Variants in TBC1D22A observed in about 807,000 individuals in gnomAD.
TBC1D22A encodes TBC1 domain family member 22A, also known as putative GTPase activator.
In TBC1D22A, 38 loss-of-function variants were observed where a neutral mutation model predicts 60.2. The observed-to-expected ratio is 0.63, with a 90% CI of 0.49 to 0.83. TBC1D22A has a LOEUF of 0.83. Among genes scored for constraint, TBC1D22A ranks in the 40% least tolerant of loss-of-function variants. The pLI, the probability that TBC1D22A is intolerant of heterozygous loss-of-function variation, is 0.00. For missense variants in TBC1D22A, 628 were observed against 701.0 expected (o/e 0.90, Z 1.18); for synonymous variants, 302 against 281.7 (o/e 1.07, Z -0.72).
At chr22:46,778,489 A>G (rs2083796479) in intron 1 of TBC1D22A, among the ~76,000 whole-genome samples, 1 of 152,074 alleles carries the variant, frequency 6.6e-6, no homozygotes, top group Non-Finnish European at 1.5e-5. Flanking sequence ...GTTAAAAACT[A>G]AGACACAGAC....
rs1161896661 is a variant in TBC1D22A, at chr22:47,174,683, C to T, written c.*1057C>T. On this transcript the variant is annotated 3_prime_UTR_variant, in exon 13 of 13. Coordinates refer to ENST00000337137, the MANE Select transcript of TBC1D22A (RefSeq NM_014346.5). ...TGGACCGGTTCCGCCATGGACCACT[C>T]CTGCCCTGGACCACTCCTGCCCTGG... The T allele has an allele frequency of 1.0e-5, 1 of 96,400 alleles. No homozygotes were observed. Among genetic ancestry groups the T allele is most frequent in the Non-Finnish European group, 2.5e-5 (1 of 40,352 alleles). The allele number at this position is 96,400 out of a possible 1,614,324, so 6.0% of individuals were successfully genotyped here. A position where few individuals can be genotyped will look rare whatever the true frequency, so the allele number is the denominator to read the frequency against.
At chr22:47,114,980 T>C (rs962612967) in intron 12 of TBC1D22A, among the ~76,000 whole-genome samples, 1 of 144,258 alleles carries the variant, frequency 6.9e-6, no homozygotes, top group African/African-American at 2.6e-5. Flanking sequence ...CCTTGCCATC[T>C]GTGAGCCACC....
intron 8 of TBC1D22A, among the ~76,000 whole-genome samples, chr22:46,928,022 G>T (rs2071146118): frequency 6.6e-6 from 1 of 152,082 alleles, no homozygotes; most frequent in Non-Finnish European, 1.5e-5. Flanking sequence ...AAGATTCAGT[G>T]CAGTCCCTAT....
intron 12 of TBC1D22A, among the ~76,000 whole-genome samples, chr22:47,122,297 G>A (rs1167387471): frequency 6.6e-6 from 1 of 152,188 alleles, no homozygotes; most frequent in African/African-American, 2.4e-5. Context: ...CCATGACGAG[G>A]TTTCCCGAAC....
intron 12 of TBC1D22A, among the ~76,000 whole-genome samples, chr22:47,163,632 G>A (rs2068082392): frequency 6.6e-6 from 1 of 152,224 alleles, no homozygotes; most frequent in East Asian, 1.9e-4. Flanking sequence ...TAGGAGGGAA[G>A]GGCGGTGGAG....
chr22:46,923,102 C>T (rs7290083), intron 8 of TBC1D22A, among the ~76,000 whole-genome samples: 117,912 of 152,112 alleles, frequency 0.78, 45,828 homozygotes, highest in Middle Eastern at 0.85. Flanking sequence ...GTTCCTTCAG[C>T]GTTACAGAGT....
intron 10 of TBC1D22A, among the ~76,000 whole-genome samples, chr22:47,023,461 T>C (rs143684175): frequency 0.014 from 2,186 of 152,232 alleles, 34 homozygotes; most frequent in Middle Eastern, 0.034. Context: ...AAAAAAATCA[T>C]ATGGAACCTA....
chr22:46,807,975 A>G (rs1461368107), intron 4 of TBC1D22A, among the ~76,000 whole-genome samples: 2 of 152,034 alleles, frequency 1.3e-5, no homozygotes, highest in Admixed American at 6.6e-5. Context: ...TCTAAAAGAA[A>G]AAGCAAAAAA....
chr22:46,919,863 G>C lies in TBC1D22A; in HGVS notation c.1015+7675G>C, dbSNP rs188227214. 2.9e-3 allele frequency among the ~76,000 whole-genome samples: 439 copies of C among 151,808 alleles called. 3 individuals carry two copies. Among genetic ancestry groups the C allele is most frequent in the African/African-American group, 0.01 (428 of 41,412 alleles). On this transcript the variant is annotated intron_variant, in intron 8 of 12. Coordinates refer to ENST00000337137, the MANE Select transcript of TBC1D22A (RefSeq NM_014346.5). ...TGACTGTAGAAATCATTTGTAAAGA[G>C]GAATAAATTCCCCGGTGCTGCTGTT...
At chr22:47,063,170 C>T (rs1202795966) in intron 11 of TBC1D22A, among the ~76,000 whole-genome samples, 2 of 152,236 alleles carry the variant, frequency 1.3e-5, no homozygotes, top group African/African-American at 4.8e-5. Flanking sequence ...ATCGCTGGGG[C>T]TCAGGAGCCA....
In TBC1D22A at chr22:46,787,549, G is replaced by T. The variant is rs536961361; in HGVS notation, c.63-4971G>T. Among the ~76,000 whole-genome samples, 45 of 152,268 alleles carry T rather than the reference G, an allele frequency of 3.0e-4. No individual in the cohort carries two copies. In the South Asian group the frequency reaches 7.0e-3, roughly 24 times the overall value. ...AGTGAAACCCCACAGAACAAAACTG[G>T]AGCTGCGTGCATTAACATTGATACA... On this transcript the variant is annotated intron_variant, in intron 1 of 12. Coordinates refer to ENST00000337137, the MANE Select transcript of TBC1D22A (RefSeq NM_014346.5).
intron 1 of TBC1D22A, among the ~76,000 whole-genome samples, chr22:46,769,306 C>G (rs558728774): frequency 5.3e-5 from 8 of 152,236 alleles, no homozygotes; most frequent in Non-Finnish European, 8.8e-5. Flanking sequence ...CGTCCTCAGC[C>G]GAAGGAGAGG....
At chr22:47,084,726 C>T (rs1268444316) in intron 11 of TBC1D22A, among the ~76,000 whole-genome samples, 1 of 152,116 alleles carries the variant, frequency 6.6e-6, no homozygotes, top group East Asian at 1.9e-4. Flanking sequence ...TGAAAAGTCC[C>T]TGATGAATAC....
chr22:47,079,277 G>A (rs1198543366), intron 11 of TBC1D22A, among the ~76,000 whole-genome samples: 1 of 151,872 alleles, frequency 6.6e-6, no homozygotes, highest in African/African-American at 2.4e-5. Flanking sequence ...AGTAGAGATG[G>A]GGTTTCACCA....
intron 11 of TBC1D22A, among the ~76,000 whole-genome samples, chr22:47,072,810 G>T (rs970762801): frequency 6.6e-6 from 1 of 152,238 alleles, no homozygotes; most frequent in Non-Finnish European, 1.5e-5. Context: ...CATCGAGGCT[G>T]TGCCTCTTGG....
At chr22:47,162,572 T>G (rs2068030332) in intron 12 of TBC1D22A, among the ~76,000 whole-genome samples, 1 of 152,214 alleles carries the variant, frequency 6.6e-6, no homozygotes, top group South Asian at 2.1e-4. Flanking sequence ...TATAGTCATC[T>G]TCCCCCAAGC....
At chr22:47,031,333 G>A (rs1762493576) in intron 10 of TBC1D22A, among the ~76,000 whole-genome samples, 1 of 152,236 alleles carries the variant, frequency 6.6e-6, no homozygotes, top group Non-Finnish European at 1.5e-5. Flanking sequence ...GCCCCCGGCG[G>A]GCAGAAACAG....
At chr22:46,959,430 C>T (rs1190458096) in intron 8 of TBC1D22A, among the ~76,000 whole-genome samples, 1 of 152,196 alleles carries the variant, frequency 6.6e-6, no homozygotes, top group African/African-American at 2.4e-5. Flanking sequence ...GGTGTGGCTG[C>T]CGCAGCGGGC....
intron 12 of TBC1D22A, among the ~76,000 whole-genome samples, chr22:47,158,824 C>T (rs1246959868): frequency 6.6e-6 from 1 of 152,114 alleles, no homozygotes; most frequent in Non-Finnish European, 1.5e-5. Context: ...AGCCACCAGC[C>T]AGGGCAGGAC....
Sources: allele counts gnomAD v4.1 joint callset (sites outside exome capture counted in the v4.1 genomes callset), GRCh38; gene constraint gnomAD v4.1.1; transcripts MANE v1.5; gene names NCBI Gene and HGNC (gene_info 2026-07-23, HGNC 2026-07-21).